VPS39: variants seen among roughly 807,000 people sequenced by gnomAD.
VPS39 encodes the protein vam6/Vps39-like protein.
A neutral mutation model predicts 121.0 loss-of-function variants in VPS39; 70 were observed. The observed-to-expected ratio is 0.58, with a 90% CI of 0.48 to 0.71. The LOEUF is 0.71. Ranked by LOEUF, VPS39 falls within the 30% of genes least tolerant of loss-of-function variation. The pLI is 0.00. For missense variants in VPS39, 818 were observed against 1,051.5 expected, an observed-to-expected ratio of 0.78 and a Z score of 3.07; for synonymous variants, 378 against 398.1, an observed-to-expected ratio of 0.95 and a Z score of 0.60.
chr15:42,178,680 C>T lies in VPS39; in HGVS notation c.719-110G>A, dbSNP rs1159457299. 1.2e-4 allele frequency: 180 copies of T among 1,467,470 alleles called. 2 individuals carry two copies. The highest frequency in any genetic ancestry group is 2.5e-5 in the Non-Finnish European group (27 of 1,075,068). 90.9% of individuals were successfully genotyped at this position (1,467,470 alleles called of 1,614,324 possible). A position where few individuals can be genotyped will look rare whatever the true frequency, so the allele number is the denominator to read the frequency against. On this transcript the variant is annotated intron_variant, in intron 8 of 24. Coordinates refer to ENST00000318006, the MANE Select transcript of VPS39 (RefSeq NM_015289.5). ...TTTAAATGGATCTCCAAAAAGTCCC[C>T]TAGTCAAATATCAAGCCAGGATCTT...
intron 11 of VPS39, among the ~76,000 whole-genome samples, chr15:42,171,265 A>T (rs2049342795): frequency 6.6e-6 from 1 of 152,162 alleles, no homozygotes; most frequent in Admixed American, 6.5e-5. Context: ...ATCTGGTTCC[A>T]CCCAGAAACA....
chr15:42,204,716 A>G (rs2050135288), intron 1 of VPS39, among the ~76,000 whole-genome samples: 1 of 152,144 alleles, frequency 6.6e-6, no homozygotes, highest in Admixed American at 6.5e-5. Context: ...TTTTTATGAA[A>G]CATTCATGTA....
intron 21 of VPS39, 27 bp downstream of exon 21, chr15:42,163,323 G>A: frequency 1.9e-6 from 3 of 1,614,088 alleles, no homozygotes; most frequent in Non-Finnish European, 2.5e-6. Flanking sequence ...ATGCACACGT[G>A]CTCCCTGGGT....
rs151099935 is a variant in VPS39 at position 42,187,459 on chromosome 15, C to T, written c.442-96G>A. On this transcript the variant is annotated intron_variant, in intron 6 of 24. Transcript: ENST00000318006. The stretch of plus-strand genomic sequence containing the variant: ...TGCAACCTCCATTCTGCAAAACAAC[C>T]CTCACCCTCATCGGGCACAATTCTA... The T allele has an allele frequency of 7.7e-5, 87 of 1,122,978 alleles. No individual in the cohort carries two copies. In the African/African-American group the frequency reaches 1.3e-3, roughly 17 times the overall value. 69.6% of individuals were successfully genotyped at this position (1,122,978 alleles called of 1,614,324 possible).
intron 2 of VPS39, 115 bp downstream of exon 2, chr15:42,199,781 C>T (rs1326302208): frequency 7.0e-6 from 8 of 1,149,752 alleles, no homozygotes; most frequent in Middle Eastern, 2.0e-4. Flanking sequence ...ATTTTCCCAC[C>T]GTGCTCCCTC....
chr15:42,163,538 G>A, intron 20 of VPS39, 88 bp downstream of exon 20: 1 of 1,511,828 alleles, frequency 6.6e-7, no homozygotes, highest in Non-Finnish European at 9.1e-7. Context: ...CCGCAGTGGA[G>A]TATGGGGAGA....
intron 11 of VPS39, among the ~76,000 whole-genome samples, chr15:42,172,899 T>G (rs2049374998): frequency 2.0e-5 from 3 of 152,126 alleles, no homozygotes; most frequent in Admixed American, 2.0e-4. Flanking sequence ...GAATCTTGAC[T>G]GATACAGGGA....
intron 2 of VPS39, among the ~76,000 whole-genome samples, chr15:42,197,036 A>G (rs1212445480): frequency 1.3e-5 from 2 of 151,988 alleles, no homozygotes; most frequent in Non-Finnish European, 2.9e-5. Context: ...GACATGGATG[A>G]AGCTGGAAAC....
Position 42,165,805 on chromosome 15 carries a change from T to A in VPS39, c.1692A>T (p.Glu564Asp). 1 of 1,614,118 alleles carries A rather than the reference T, an allele frequency of 6.2e-7. No homozygotes were observed. Among genetic ancestry groups the A allele is most frequent in the Middle Eastern group, 1.6e-4 (1 of 6,062 alleles). Residue 564 changes from glutamate to aspartate, a missense_variant, in exon 17 of 25, where the codon GAA becomes GAT. Transcript: ENST00000318006. ...FPEDGLKIFTEDLPEVESLPR... is the reference protein window; with the variant it reads ...FPEDGLKIFTDDLPEVESLPR... The stretch of plus-strand genomic sequence containing the variant: ...GCAGAGACTCCACTTCCGGGAGATC[T>A]TCAGTAAATATCTGTTAGAATGAAC...
At chr15:42,173,380 T>C (rs2049383600) in intron 11 of VPS39, among the ~76,000 whole-genome samples, 1 of 152,230 alleles carries the variant, frequency 6.6e-6, no homozygotes, top group Non-Finnish European at 1.5e-5. Flanking sequence ...TGATCTGCAG[T>C]TTAATCCAAG....
chr15:42,197,083 C>A (rs1382640281), intron 2 of VPS39, among the ~76,000 whole-genome samples: 4 of 145,988 alleles, frequency 2.7e-5, no homozygotes, highest in African/African-American at 7.7e-5. Flanking sequence ...GACAAAAAAA[C>A]CAAACACTGC....
intron 2 of VPS39, among the ~76,000 whole-genome samples, chr15:42,195,706 T>C (rs909523914): frequency 3.9e-5 from 6 of 152,196 alleles, no homozygotes; most frequent in African/African-American, 1.2e-4. Flanking sequence ...TCCATGATCA[T>C]GGATAGGAAG....
chr15:42,179,007 TA>T (rs887278626), intron 8 of VPS39: 4 of 154,930 alleles, frequency 2.6e-5, no homozygotes, highest in South Asian at 2.0e-4. Flanking sequence ...ATCCTGACTC[TA>T]AAAAAAAGAA....
At chr15:42,194,478 AAAAAG>A (rs1370941448) in intron 2 of VPS39, among the ~76,000 whole-genome samples, 2 of 152,180 alleles carry the variant, frequency 1.3e-5, no homozygotes, top group Admixed American at 6.5e-5. Flanking sequence ...CCGTCTCAAA[AAAAAG>A]AAAAGAAAAA....
chr15:42,188,247 T>C (rs1252918005), intron 5 of VPS39, among the ~76,000 whole-genome samples: 1 of 152,208 alleles, frequency 6.6e-6, no homozygotes, highest in African/African-American at 2.4e-5. Context: ...CAAGCCCACT[T>C]TTAAGCCTTT....
chr15:42,197,552 CA>C (rs55822012), intron 2 of VPS39, among the ~76,000 whole-genome samples: 1 of 151,822 alleles, frequency 6.6e-6, no homozygotes, highest in South Asian at 2.1e-4. Flanking sequence ...GACCCTGTCT[CA>C]AAAAATAAAG....
chr15:42,190,553 AATCTCCACCACATATCCTTAGTCT>A (rs1288780962), intron 4 of VPS39, among the ~76,000 whole-genome samples: 2 of 152,114 alleles, frequency 1.3e-5, no homozygotes, highest in Non-Finnish European at 2.9e-5. Flanking sequence ...ATATCCTGCC[AATCTCCACCACATATCCTTAGTCT>A]GGCCACAATA....
intron 19 of VPS39, 91 bp from the exon 20 acceptor site, chr15:42,163,819 T>C: frequency 2.4e-6 from 2 of 836,072 alleles, no homozygotes; most frequent in Non-Finnish European, 3.7e-6. Context: ...CACGAGGCAA[T>C]ATAAAGGGAA....
intron 13 of VPS39, 55 bp downstream of exon 13, chr15:42,167,339 C>T: frequency 6.3e-7 from 1 of 1,599,148 alleles, no homozygotes; most frequent in Non-Finnish European, 8.5e-7. Flanking sequence ...CTTTTACTTT[C>T]CCAGACTGTC....
Sources: allele counts gnomAD v4.1 joint callset (sites outside exome capture counted in the v4.1 genomes callset), GRCh38; gene constraint gnomAD v4.1.1; transcripts MANE v1.5; gene names NCBI Gene and HGNC (gene_info 2026-07-23, HGNC 2026-07-21).